The following AKAP19 variants were observed in gnomAD, a reference collection of about 807,000 sequenced individuals.
The protein encoded by AKAP19 is small A-kinase anchoring protein.
the AKAP19 span, among the ~76,000 whole-genome samples, chr2:189,985,176 C>A: frequency 6.6e-6 from 1 of 152,204 alleles, no homozygotes; most frequent in Admixed American, 6.5e-5. Context: ...AGACTCACTG[C>A]TTTTCTTTTC....
chr2:190,180,780 C>T, the AKAP19 span: 1 of 985,192 alleles, frequency 1.0e-6, no homozygotes, highest in Non-Finnish European at 1.2e-6. The surrounding 1 kb of genome is among the most constrained non-coding windows in gnomAD (Gnocchi z 6.8). Flanking sequence ...CGCGAACCCG[C>T]GAGGAGCGCG....
chr2:189,895,132 A>T, the AKAP19 span, among the ~76,000 whole-genome samples: 1 of 152,182 alleles, frequency 6.6e-6, no homozygotes, highest in South Asian at 2.1e-4. Flanking sequence ...AACCATTAAC[A>T]TAAAAGAAAA....
chr2:190,025,208 A>C, the AKAP19 span, among the ~76,000 whole-genome samples: 2 of 152,140 alleles, frequency 1.3e-5, no homozygotes, highest in African/African-American at 4.8e-5. Context: ...TCTTTCTAAA[A>C]GTAGTTGGAC....
chr2:189,886,137 A>C, the AKAP19 span, among the ~76,000 whole-genome samples: 1 of 152,112 alleles, frequency 6.6e-6, no homozygotes, highest in Non-Finnish European at 1.5e-5. Flanking sequence ...TTTATGTATG[A>C]GTCATGTCTT....
chr2:190,098,025 G>A, the AKAP19 span, among the ~76,000 whole-genome samples: 2 of 152,036 alleles, frequency 1.3e-5, no homozygotes, highest in East Asian at 3.8e-4. Context: ...CTTCACTGAA[G>A]TCTTAAACCC....
At chr2:190,120,847 G>A in the AKAP19 span, among the ~76,000 whole-genome samples, 1 of 152,134 alleles carries the variant, frequency 6.6e-6, no homozygotes, top group African/African-American at 2.4e-5. Flanking sequence ...AGCAGAGATT[G>A]CTTGGATGAT....
At chr2:189,999,488 C>T in the AKAP19 span, among the ~76,000 whole-genome samples, 1 of 152,030 alleles carries the variant, frequency 6.6e-6, no homozygotes. Context: ...TATATTAGTA[C>T]ACACATTTGT....
the AKAP19 span, among the ~76,000 whole-genome samples, chr2:190,176,188 A>G: frequency 1.4e-4 from 21 of 152,204 alleles, no homozygotes; most frequent in Admixed American, 5.9e-4. This position sits in a 1 kb window ranked among gnomAD's most constrained non-coding sequence, Gnocchi z 4.7. Context: ...TAGGTAATCT[A>G]ATGATTTGCA....
At chr2:190,034,433 C>T in the AKAP19 span, among the ~76,000 whole-genome samples, 14 of 140,240 alleles carry the variant, frequency 1.0e-4, no homozygotes, top group East Asian at 2.6e-3. Flanking sequence ...TTAAAAAAAT[C>T]AACTGTTTAG....
At chr2:190,159,977 C>T in the AKAP19 span, among the ~76,000 whole-genome samples, 2 of 152,154 alleles carry the variant, frequency 1.3e-5, no homozygotes, top group Admixed American at 6.5e-5. Context: ...GCCAATAAAA[C>T]GTTACCAAAT....
chr2:190,062,698 T>C, the AKAP19 span: 3 of 1,123,730 alleles, frequency 2.7e-6, no homozygotes, highest in East Asian at 5.1e-5. Flanking sequence ...GCATGTACAG[T>C]CTGAGAGACA....
the AKAP19 span, among the ~76,000 whole-genome samples, chr2:190,066,222 A>G: frequency 6.6e-6 from 1 of 152,178 alleles, no homozygotes; most frequent in African/African-American, 2.4e-5. Flanking sequence ...TGTAACCGTC[A>G]GTAAGGTGGC....
the AKAP19 span, among the ~76,000 whole-genome samples, chr2:189,919,649 T>G: frequency 2.0e-5 from 3 of 152,186 alleles, no homozygotes; most frequent in African/African-American, 4.8e-5. Flanking sequence ...GTGTTTGGTT[T>G]TCTGTTCCTG....
the AKAP19 span, among the ~76,000 whole-genome samples, chr2:189,978,953 C>T: frequency 6.6e-6 from 1 of 151,788 alleles, no homozygotes; most frequent in Non-Finnish European, 1.5e-5. Flanking sequence ...AATAGAAAAA[C>T]ATTCAATGCT....
chr2:189,923,872 C>T, the AKAP19 span: 6 of 1,610,828 alleles, frequency 3.7e-6, no homozygotes, highest in East Asian at 4.5e-5. Context: ...AAGGAGATGA[C>T]CTTCAGGCCA....
At chr2:190,064,386 C>T in the AKAP19 span, among the ~76,000 whole-genome samples, 3 of 151,652 alleles carry the variant, frequency 2.0e-5, no homozygotes, top group Non-Finnish European at 4.4e-5. Flanking sequence ...ACACATGCAT[C>T]TATACAGTTC....
chr2:189,906,362 A>G, the AKAP19 span, among the ~76,000 whole-genome samples: 2 of 152,094 alleles, frequency 1.3e-5, no homozygotes, highest in Non-Finnish European at 2.9e-5. Flanking sequence ...GAAAATAGCT[A>G]TAATCTCACC....
At chr2:190,081,128 G>A in the AKAP19 span, among the ~76,000 whole-genome samples, 1 of 152,162 alleles carries the variant, frequency 6.6e-6, no homozygotes. Context: ...TTTGGTGGAG[G>A]AGATTTGTAT....
chr2:189,938,048 T>A, the AKAP19 span, among the ~76,000 whole-genome samples: 2 of 152,096 alleles, frequency 1.3e-5, no homozygotes, highest in Non-Finnish European at 2.9e-5. Context: ...GAAAATGTGG[T>A]ACTTAGGCCA....
Sources: gnomAD v4.1 joint callset for allele counts (sites outside exome capture counted in the v4.1 genomes callset) on GRCh38, gnomAD v4.1.1 for gene constraint, Gnocchi (gnomAD v3.1) non-coding constraint, MANE v1.5 for transcripts, NCBI Gene and HGNC (gene_info 2026-07-23, HGNC 2026-07-21) for gene names.